PDGFC: variants seen among roughly 807,000 people sequenced by gnomAD.
PDGFC encodes platelet-derived growth factor C.
Under a neutral mutation model 35.5 loss-of-function variants are expected in PDGFC, and 12 were observed. The ratio of observed to expected loss-of-function variants is 0.34; its 90% CI spans 0.22 to 0.55. The LOEUF (loss-of-function observed/expected upper bound fraction) is 0.55, where lower values mean the gene tolerates loss of function less well. Among genes scored for constraint, PDGFC ranks in the 20% least tolerant of loss-of-function variants. The pLI is 0.91. For synonymous variants in PDGFC, 159 were observed against 148.8 expected, an observed-to-expected ratio of 1.07 and a Z score of -0.50; for missense variants, 322 against 412.4, an observed-to-expected ratio of 0.78 and a Z score of 1.90.
chr4:156,953,385 T>C (rs1043234763), intron 1 of PDGFC, among the ~76,000 whole-genome samples: 5 of 151,954 alleles, frequency 3.3e-5, no homozygotes, highest in Non-Finnish European at 7.4e-5. Flanking sequence ...GGTAAAGGGA[T>C]CAGAAGGAGT....
Position 156,849,834 on chromosome 4 carries a change from T to C in PDGFC, c.314+387A>G, listed in dbSNP as rs558362538. ...TTTCAGTAGCTTATCATTTATTTTA[T>C]TGATTTGGCTATGAGGAAGGTCAAA... On this transcript the variant is annotated intron_variant, in intron 2 of 5. Transcript: ENST00000502773. 5.6e-4 allele frequency among the ~76,000 whole-genome samples: 86 copies of C among 152,242 alleles called. No homozygotes were observed. In the South Asian group the frequency reaches 9.7e-3, roughly 17 times the overall value.
chr4:156,905,605 C>T (rs1031834601), intron 1 of PDGFC, among the ~76,000 whole-genome samples: 1 of 152,026 alleles, frequency 6.6e-6, no homozygotes, highest in African/African-American at 2.4e-5. Flanking sequence ...CAACATTTTC[C>T]AAACTATCAA....
At chr4:156,840,848 C>T (rs750309501) in intron 2 of PDGFC, among the ~76,000 whole-genome samples, 2 of 152,164 alleles carry the variant, frequency 1.3e-5, no homozygotes, top group Non-Finnish European at 2.9e-5. Context: ...ATTTGACTGC[C>T]CCACGGGATT....
intron 1 of PDGFC, among the ~76,000 whole-genome samples, chr4:156,921,163 C>T (rs1280713056): frequency 1.3e-5 from 2 of 152,112 alleles, no homozygotes; most frequent in Non-Finnish European, 2.9e-5. Context: ...CCTTATTTAT[C>T]CCTAAGACTA....
intron 1 of PDGFC, among the ~76,000 whole-genome samples, chr4:156,969,672 T>C (rs1560896104): frequency 6.6e-6 from 1 of 152,158 alleles, no homozygotes; most frequent in East Asian, 1.9e-4. Context: ...CTATCTTAAT[T>C]TTGTAGGTAT....
intron 5 of PDGFC, among the ~76,000 whole-genome samples, chr4:156,764,101 C>T (rs1024880100): frequency 6.6e-6 from 1 of 152,080 alleles, no homozygotes; most frequent in African/African-American, 2.4e-5. Flanking sequence ...GAACAAAGGC[C>T]AGAGCACAAA....
intron 1 of PDGFC, among the ~76,000 whole-genome samples, chr4:156,938,250 T>A (rs1278496708): frequency 6.6e-6 from 1 of 152,112 alleles, no homozygotes; most frequent in Non-Finnish European, 1.5e-5. Flanking sequence ...ATGTAAAAGG[T>A]ATGTAGATAC....
intron 1 of PDGFC, among the ~76,000 whole-genome samples, chr4:156,926,197 T>A (rs758475347): frequency 2.0e-5 from 3 of 152,128 alleles, no homozygotes; most frequent in Non-Finnish European, 2.9e-5. Flanking sequence ...GCTTATTTAA[T>A]ATCAAATCAA....
At chr4:156,845,650 T>C (rs903549154) in intron 2 of PDGFC, among the ~76,000 whole-genome samples, 1 of 151,914 alleles carries the variant, frequency 6.6e-6, no homozygotes, top group Admixed American at 6.6e-5. Flanking sequence ...TCCCTTACTG[T>C]GGAAGAGGCC....
At chr4:156,966,507 A>G (rs549902036) in intron 1 of PDGFC, among the ~76,000 whole-genome samples, 1 of 152,296 alleles carries the variant, frequency 6.6e-6, no homozygotes, top group African/African-American at 2.4e-5. Context: ...TATTCAACAT[A>G]TCACTTTATC....
intron 1 of PDGFC, among the ~76,000 whole-genome samples, chr4:156,891,744 C>G (rs1309155823): frequency 1.3e-5 from 2 of 152,268 alleles, no homozygotes; most frequent in African/African-American, 2.4e-5. Context: ...CCTTTCTCCT[C>G]GCTTTAATAT....
At chr4:156,918,904 A>G (rs1731209897) in intron 1 of PDGFC, among the ~76,000 whole-genome samples, 1 of 152,236 alleles carries the variant, frequency 6.6e-6, no homozygotes, top group South Asian at 2.1e-4. Context: ...TTGAATGTAC[A>G]GTTCATGACG....
intron 1 of PDGFC, among the ~76,000 whole-genome samples, chr4:156,962,092 G>A (rs145290530): frequency 7.6e-4 from 116 of 152,254 alleles, no homozygotes; most frequent in African/African-American, 2.7e-3. Flanking sequence ...TCTTAGACAT[G>A]AAGACTTTTC....
intron 3 of PDGFC, among the ~76,000 whole-genome samples, chr4:156,782,842 A>C (rs1731019192): frequency 6.6e-6 from 1 of 152,302 alleles, no homozygotes; most frequent in South Asian, 2.1e-4. Flanking sequence ...ATAAAAAGTT[A>C]AATCATTCAG....
intron 1 of PDGFC, among the ~76,000 whole-genome samples, chr4:156,898,327 G>A (rs1306125676): frequency 1.3e-5 from 2 of 152,088 alleles, no homozygotes; most frequent in African/African-American, 4.8e-5. Context: ...CCTTTCTATG[G>A]TAGTTTGTTA....
At chr4:156,880,284 A>T (rs904941880) in intron 1 of PDGFC, among the ~76,000 whole-genome samples, 2 of 152,166 alleles carry the variant, frequency 1.3e-5, no homozygotes, top group Non-Finnish European at 2.9e-5. Flanking sequence ...ATTGAAGTTA[A>T]AATCAATGCT....
At chr4:156,922,155 AGTGT>A (rs3070262) in intron 1 of PDGFC, among the ~76,000 whole-genome samples, 4,535 of 145,288 alleles carry the variant, frequency 0.031, 97 homozygotes, top group African/African-American at 0.053. Flanking sequence ...AAGGATTCAT[AGTGT>A]GTGTGTGTGT....
chr4:156,833,336 C>T (rs565448291), intron 2 of PDGFC, among the ~76,000 whole-genome samples: 15 of 152,142 alleles, frequency 9.9e-5, no homozygotes, highest in South Asian at 2.1e-4. Context: ...TCAATAAGCA[C>T]GTATTAAGTC....
chr4:156,931,225 T>A (rs534004431), intron 1 of PDGFC, among the ~76,000 whole-genome samples: 1 of 152,298 alleles, frequency 6.6e-6, no homozygotes, highest in African/African-American at 2.4e-5. Context: ...AAATGGCAGG[T>A]ATTTCCTGTT....
Sources: gnomAD v4.1 joint callset for allele counts (sites outside exome capture counted in the v4.1 genomes callset) on GRCh38, gnomAD v4.1.1 for gene constraint, MANE v1.5 for transcripts, NCBI Gene and HGNC (gene_info 2026-07-23, HGNC 2026-07-21) for gene names.